Variants in SOX5 observed in about 807,000 individuals in gnomAD.
SOX5 encodes SRY-box transcription factor 5, also known as transcription factor SOX-5.
In SOX5, 9 loss-of-function variants were observed where a neutral mutation model predicts 92.0. The observed-to-expected ratio is 0.10, with a 90% CI of 0.06 to 0.17. The LOEUF is 0.17. Ranked by LOEUF, SOX5 falls within the 10% of genes least tolerant of loss-of-function variation. The probability of loss-of-function intolerance (pLI) is 1.00; values close to 1 mark genes in which losing one functional copy is unlikely to be tolerated. For missense variants in SOX5, 642 were observed against 944.5 expected (o/e 0.68, Z 4.20); for synonymous variants, 344 against 336.3 (o/e 1.02, Z -0.25).
intron 4 of SOX5, among the ~76,000 whole-genome samples, chr12:23,995,220 G>T (rs889697175): frequency 1.3e-5 from 2 of 152,126 alleles, no homozygotes; most frequent in Non-Finnish European, 2.9e-5. Flanking sequence ...ATGAAACGGA[G>T]GATGTGATAT....
chr12:23,771,732 G>A (rs1045012497), intron 3 of SOX5, among the ~76,000 whole-genome samples: 2 of 151,980 alleles, frequency 1.3e-5, no homozygotes, highest in East Asian at 1.9e-4. Flanking sequence ...TGCTTCTCTC[G>A]GGGCATTTCA....
intron 1 of SOX5, among the ~76,000 whole-genome samples, chr12:24,385,478 T>G (rs1958284752): frequency 6.6e-6 from 1 of 152,180 alleles, no homozygotes; most frequent in Non-Finnish European, 1.5e-5. Flanking sequence ...AACCCCATTG[T>G]ATGTCGGGAG....
intron 1 of SOX5, among the ~76,000 whole-genome samples, chr12:24,496,320 G>C (rs768097778): frequency 2.0e-5 from 3 of 152,152 alleles, no homozygotes; most frequent in Non-Finnish European, 4.4e-5. Flanking sequence ...GTTTGCCTCT[G>C]TTCTTTTTGG....
At position 24,554,277 on chromosome 12, in the gene SOX5, G is replaced by T. The variant is rs547076544; in HGVS notation, c.-251+8052C>A. On this transcript the variant is annotated intron_variant, in intron 1 of 4. Coordinates refer to the SOX5 transcript ENST00000446891. ...GGGGATGAGCCAGCAACTATGGAAG[G>T]TATAAACCTGCCACAATGGAGGATT... Among the ~76,000 whole-genome samples the T allele has an allele frequency of 3.3e-5, 5 of 152,186 alleles. No homozygotes were observed. The South Asian group carries it at 8.3e-4, about 25-fold the overall frequency.
At chr12:24,238,841 G>A (rs574260982) in intron 3 of SOX5, among the ~76,000 whole-genome samples, 1 of 152,278 alleles carries the variant, frequency 6.6e-6, no homozygotes, top group South Asian at 2.1e-4. Flanking sequence ...ATGTTAAAGT[G>A]TACTCCAAAG....
chr12:23,706,161 T>C (rs2091363587), intron 6 of SOX5, among the ~76,000 whole-genome samples: 1 of 151,996 alleles, frequency 6.6e-6, no homozygotes, highest in African/African-American at 2.4e-5. Context: ...ATTTGGAATA[T>C]AGTAAACAAA....
At chr12:24,076,370 T>C (rs1467769117) in intron 4 of SOX5, among the ~76,000 whole-genome samples, 1 of 152,118 alleles carries the variant, frequency 6.6e-6, no homozygotes, top group Non-Finnish European at 1.5e-5. Flanking sequence ...CTCTATTATC[T>C]ATCCACTTAA....
At chr12:23,567,464 ATTTT>A (rs35620007) in intron 10 of SOX5, among the ~76,000 whole-genome samples, 31 of 119,134 alleles carry the variant, frequency 2.6e-4, no homozygotes, top group African/African-American at 3.8e-4. Context: ...ATTTGATTTG[ATTTT>A]TTTTTTTTTT....
intron 6 of SOX5, among the ~76,000 whole-genome samples, chr12:23,688,506 C>A (rs2088077297): frequency 6.6e-6 from 1 of 151,958 alleles, no homozygotes; most frequent in African/African-American, 2.4e-5. Flanking sequence ...AAATTAATGG[C>A]AAAATAGGAA....
In SOX5 at chr12:24,458,110, A is replaced by G. The variant is rs550058474; in HGVS notation, c.-250-89471T>C. Among the ~76,000 whole-genome samples, 582 of 152,250 alleles carry G rather than the reference A, an allele frequency of 3.8e-3. 5 individuals are homozygous for G. Among genetic ancestry groups the G allele is most frequent in the African/African-American group, 0.013 (545 of 41,538 alleles). On this transcript the variant is annotated intron_variant, in intron 1 of 4. Coordinates refer to the SOX5 transcript ENST00000446891. ...ATGTGAATCACCTGAATATCTTGTT[A>G]AAATGCATGTTCTGATTCAGCAAGC...
At chr12:24,234,261 T>G (rs1388486997) in intron 3 of SOX5, among the ~76,000 whole-genome samples, 2 of 152,206 alleles carry the variant, frequency 1.3e-5, no homozygotes, top group African/African-American at 4.8e-5. Flanking sequence ...ATCTAAAGGA[T>G]TCTGTGTGCC....
chr12:24,409,963 TG>T (rs938363808), intron 1 of SOX5, among the ~76,000 whole-genome samples: 5 of 150,724 alleles, frequency 3.3e-5, no homozygotes, highest in African/African-American at 1.2e-4. Flanking sequence ...GTCTGTAGCT[TG>T]GCTTTTCGTC....
intron 2 of SOX5, among the ~76,000 whole-genome samples, chr12:23,876,748 T>C (rs1193762081): frequency 6.6e-6 from 1 of 152,172 alleles, no homozygotes; most frequent in Non-Finnish European, 1.5e-5. Flanking sequence ...CCAACCCAAA[T>C]GCCCATCAGT....
chr12:24,025,969 T>C (rs1444222050), intron 4 of SOX5, among the ~76,000 whole-genome samples: 1 of 152,056 alleles, frequency 6.6e-6, no homozygotes, highest in Non-Finnish European at 1.5e-5. Context: ...ACCCCTACAA[T>C]AGGTTAGATC....
chr12:23,892,159 T>A (rs1402146004), intron 2 of SOX5, among the ~76,000 whole-genome samples: 2 of 152,128 alleles, frequency 1.3e-5, no homozygotes, highest in Middle Eastern at 3.2e-3. Context: ...TATAAATAAT[T>A]CTCATGGATG....
At chr12:24,021,498 A>C (rs552474897) in intron 4 of SOX5, among the ~76,000 whole-genome samples, 1 of 152,284 alleles carries the variant, frequency 6.6e-6, no homozygotes, top group Admixed American at 6.5e-5. Context: ...CGAGCTATTA[A>C]TGGTAAACTC....
chr12:23,689,045 T>C (rs929774552), intron 6 of SOX5, among the ~76,000 whole-genome samples: 1 of 152,188 alleles, frequency 6.6e-6, no homozygotes, highest in Non-Finnish European at 1.5e-5. Flanking sequence ...CTCATTTGTT[T>C]TTGTTTTACC....
At chr12:24,521,041 TAAAAC>T (rs1291749810) in intron 1 of SOX5, among the ~76,000 whole-genome samples, 2 of 152,144 alleles carry the variant, frequency 1.3e-5, no homozygotes, top group African/African-American at 4.8e-5. Flanking sequence ...TTGACAGTAA[TAAAAC>T]AATAGTAGAA....
At chr12:23,970,242 G>T (rs77766209) in intron 4 of SOX5, among the ~76,000 whole-genome samples, 10,758 of 150,018 alleles carry the variant, frequency 0.072, 502 homozygotes, top group Middle Eastern at 0.13. Flanking sequence ...TTTTTTTTTG[G>T]TTTTTTAACA....
Sources: allele counts gnomAD v4.1 joint callset (sites outside exome capture counted in the v4.1 genomes callset), GRCh38; gene constraint gnomAD v4.1.1; transcripts MANE v1.5; gene names NCBI Gene and HGNC (gene_info 2026-07-23, HGNC 2026-07-21).